Variants in RNGTT observed in about 807,000 individuals in gnomAD.
The protein encoded by RNGTT is RNA guanylyltransferase and 5'-phosphatase, also known as mRNA-capping enzyme.
RNGTT carries 33 observed loss-of-function variants against 79.3 expected under a neutral mutation model. That is an observed-to-expected ratio of 0.42 (90% CI 0.32 to 0.56). The LOEUF is 0.56. RNGTT is among the 20% of genes least tolerant of loss of function. RNGTT has a pLI of 0.17. For missense variants in RNGTT, 497 were observed against 739.1 expected, an observed-to-expected ratio of 0.67 and a Z score of 3.80; for synonymous variants, 222 against 235.9, an observed-to-expected ratio of 0.94 and a Z score of 0.54.
chr6:88,758,075 A>G (rs987332108), intron 13 of RNGTT, among the ~76,000 whole-genome samples: 5 of 152,150 alleles, frequency 3.3e-5, no homozygotes, highest in African/African-American at 1.2e-4. Context: ...CTGTGCTTCA[A>G]ATTCAGTTAT....
intron 14 of RNGTT, among the ~76,000 whole-genome samples, chr6:88,644,420 G>A (rs982965676): frequency 6.6e-6 from 1 of 151,922 alleles, no homozygotes; most frequent in Non-Finnish European, 1.5e-5. Context: ...TTCTACCAGA[G>A]GTACAAGGAG....
intron 6 of RNGTT, among the ~76,000 whole-genome samples, chr6:88,902,050 T>C (rs1048041028): frequency 8.5e-5 from 13 of 152,074 alleles, no homozygotes; most frequent in Non-Finnish European, 1.6e-4. Context: ...TGGCCGGGCA[T>C]GGTGGCACAC....
chr6:88,837,480 T>TAAC (rs1031908998), intron 11 of RNGTT, among the ~76,000 whole-genome samples: 1 of 152,014 alleles, frequency 6.6e-6, no homozygotes, highest in Admixed American at 6.6e-5. Context: ...AAACAGAGTA[T>TAAC]AACAGAGTGT....
chr6:88,755,476 A>G (rs1049445207), intron 13 of RNGTT, among the ~76,000 whole-genome samples: 6 of 152,146 alleles, frequency 3.9e-5, no homozygotes, highest in African/African-American at 1.2e-4. Flanking sequence ...AACGACAAAA[A>G]AAAACTACTA....
intron 13 of RNGTT, among the ~76,000 whole-genome samples, chr6:88,752,480 TA>T (rs1373943512): frequency 9.3e-4 from 141 of 152,252 alleles, no homozygotes; most frequent in African/African-American, 3.3e-3. Flanking sequence ...AACAAATTGC[TA>T]ATTTAAAAAA....
chr6:88,895,554 A>G (rs564895712), intron 6 of RNGTT, among the ~76,000 whole-genome samples: 2 of 152,306 alleles, frequency 1.3e-5, no homozygotes, highest in East Asian at 3.9e-4. Flanking sequence ...CATTACTTGA[A>G]TACATAGTTA....
Position 88,610,645 on chromosome 6 carries a change from C to T in RNGTT, c.*2074G>A, listed in dbSNP as rs920857686. On this transcript the variant is annotated 3_prime_UTR_variant, in exon 16 of 16. Coordinates refer to ENST00000369485, the MANE Select transcript of RNGTT (RefSeq NM_003800.5). ...TGGGATCTACTTATAAGGCCAACTA[C>T]TCTATGTCACTATAATTGAAAGGAA... 1 of 152,152 alleles carries T rather than the reference C, an allele frequency of 6.6e-6. No homozygotes were observed. Among genetic ancestry groups the T allele is most frequent in the African/African-American group, 2.4e-5 (1 of 41,424 alleles). The allele number at this position is 152,152 out of a possible 1,614,324, so 9.4% of individuals were successfully genotyped here.
chr6:88,689,615 T>A, intron 13 of RNGTT, among the ~76,000 whole-genome samples: 1 of 148,506 alleles, frequency 6.7e-6, no homozygotes, highest in Non-Finnish European at 1.5e-5. Flanking sequence ...AAAAAGTCTA[T>A]ACCAATATAA....
At chr6:88,871,401 C>T (rs1782351367) in intron 8 of RNGTT, among the ~76,000 whole-genome samples, 2 of 151,382 alleles carry the variant, frequency 1.3e-5, no homozygotes, top group Admixed American at 1.3e-4. Flanking sequence ...AAAATATGTC[C>T]TGAAAGTCCA....
At chr6:88,716,486 T>C (rs1246066161) in intron 13 of RNGTT, among the ~76,000 whole-genome samples, 2 of 152,208 alleles carry the variant, frequency 1.3e-5, no homozygotes, top group African/African-American at 4.8e-5. Context: ...CAAATGACTA[T>C]AAATCATGCT....
At chr6:88,678,248 G>T (rs1414657852) in intron 14 of RNGTT, 105 bp downstream of exon 14, 2 of 1,470,408 alleles carry the variant, frequency 1.4e-6, no homozygotes, top group Admixed American at 4.3e-5. Flanking sequence ...CTCCCAAAGT[G>T]CTGGAACACG....
intron 11 of RNGTT, among the ~76,000 whole-genome samples, chr6:88,831,422 T>C (rs968613697): frequency 1.3e-5 from 2 of 152,174 alleles, no homozygotes; most frequent in African/African-American, 4.8e-5. Context: ...ATAGACTAGG[T>C]ACTGATGGAA....
intron 13 of RNGTT, among the ~76,000 whole-genome samples, chr6:88,735,579 A>AAG (rs1554211434): frequency 4.0e-5 from 6 of 151,450 alleles, no homozygotes; most frequent in South Asian, 2.1e-4. Context: ...AAAAAAAAAA[A>AAG]AAAGAAAGAA....
intron 13 of RNGTT, among the ~76,000 whole-genome samples, chr6:88,727,147 A>G (rs1241684104): frequency 6.6e-6 from 1 of 152,226 alleles, no homozygotes; most frequent in Non-Finnish European, 1.5e-5. Context: ...AAAAAAAGTT[A>G]TAAAACGGAA....
At chr6:88,803,598 C>A (rs58670818) in intron 11 of RNGTT, among the ~76,000 whole-genome samples, 3,147 of 119,966 alleles carry the variant, frequency 0.026, 129 homozygotes, top group African/African-American at 0.1. Context: ...AAAAAAAAAA[C>A]TAAATTCATA....
Position 88,611,116 on chromosome 6 carries a change from T to C in RNGTT, c.*1603A>G, listed in dbSNP as rs1349085473. On this transcript the variant is annotated 3_prime_UTR_variant, in exon 16 of 16. Coordinates refer to ENST00000369485, the MANE Select transcript of RNGTT (RefSeq NM_003800.5). ...CGTTTTGGATAAATTCACTATACAT[T>C]ACATGACTTGGGAACAACGAAGAAA... is the stretch of plus-strand genomic sequence containing the variant. 1 of 152,218 alleles carries C rather than the reference T, an allele frequency of 6.6e-6. No individual in the cohort carries two copies. The highest frequency in any genetic ancestry group is 1.5e-5 in the Non-Finnish European group (1 of 68,038). The allele number at this position is 152,218 out of a possible 1,614,324, so 9.4% of individuals were successfully genotyped here.
At chr6:88,858,858 A>C (rs1781919987) in intron 8 of RNGTT, among the ~76,000 whole-genome samples, 1 of 152,190 alleles carries the variant, frequency 6.6e-6, no homozygotes, top group Admixed American at 6.5e-5. Context: ...AGTAGGTGCA[A>C]TGTCCTTCAG....
intron 11 of RNGTT, among the ~76,000 whole-genome samples, chr6:88,832,902 G>C (rs1266078305): frequency 6.6e-6 from 1 of 151,790 alleles, no homozygotes; most frequent in Non-Finnish European, 1.5e-5. Flanking sequence ...TTACAATGGT[G>C]ATCATTAAAA....
chr6:88,940,964 A>G (rs1016561548), intron 2 of RNGTT, 107 bp downstream of exon 2: 5 of 592,420 alleles, frequency 8.4e-6, no homozygotes, highest in Non-Finnish European at 1.2e-5. Context: ...ACTTCCCTTG[A>G]GTCTATTAAT....
Sources: gnomAD v4.1 joint callset for allele counts (sites outside exome capture counted in the v4.1 genomes callset) on GRCh38, gnomAD v4.1.1 for gene constraint, MANE v1.5 for transcripts, NCBI Gene and HGNC (gene_info 2026-07-23, HGNC 2026-07-21) for gene names.